Variants in SAMMSON observed in about 807,000 individuals in gnomAD.
SAMMSON encodes the protein survival associated mitochondrial melanoma specific oncogenic non-coding RNA.
chr3:70,184,852 G>A (rs1416259317), intron 4 of SAMMSON, among the ~76,000 whole-genome samples: 1 of 152,178 alleles, frequency 6.6e-6, no homozygotes, highest in Non-Finnish European at 1.5e-5. Context: ...AGGTTGTCAG[G>A]TGAAACTAAT....
At chr3:70,015,883 G>A (rs1262662388) in intron 3 of SAMMSON, among the ~76,000 whole-genome samples, 1 of 152,120 alleles carries the variant, frequency 6.6e-6, no homozygotes, top group Non-Finnish European at 1.5e-5. Context: ...TCCCTACAAA[G>A]GACATGAACT....
chr3:70,162,296 G>A (rs934136407), intron 4 of SAMMSON, among the ~76,000 whole-genome samples: 3 of 151,674 alleles, frequency 2.0e-5, no homozygotes, highest in Non-Finnish European at 4.4e-5. Flanking sequence ...CTCTCCAAGC[G>A]TTGGTTTAGG....
intron 9 of SAMMSON, among the ~76,000 whole-genome samples, chr3:70,358,666 A>AT: frequency 6.6e-6 from 1 of 152,224 alleles, no homozygotes; most frequent in African/African-American, 2.4e-5. Context: ...AGGGGTAGAA[A>AT]ATATATCTTC....
intron 4 of SAMMSON, among the ~76,000 whole-genome samples, chr3:70,103,459 T>C (rs896912991): frequency 5.3e-5 from 8 of 152,200 alleles, no homozygotes; most frequent in African/African-American, 1.9e-4. Flanking sequence ...GCAAACTTCT[T>C]ATCCCAGTGT....
intron 3 of SAMMSON, among the ~76,000 whole-genome samples, chr3:70,015,489 A>G (rs1050922798): frequency 3.9e-5 from 6 of 152,032 alleles, no homozygotes; most frequent in Non-Finnish European, 8.8e-5. Flanking sequence ...TAATTGAGAC[A>G]TTACTTAGTA....
intron 9 of SAMMSON, among the ~76,000 whole-genome samples, chr3:70,363,265 G>A (rs903376197): frequency 1.3e-5 from 2 of 151,844 alleles, no homozygotes; most frequent in African/African-American, 4.8e-5. Context: ...TTTAAGAACT[G>A]GAACAAGACA....
At chr3:70,199,050 A>T (rs116645797) in intron 4 of SAMMSON, among the ~76,000 whole-genome samples, 1 of 152,220 alleles carries the variant, frequency 6.6e-6, no homozygotes, top group Non-Finnish European at 1.5e-5. Flanking sequence ...GACAATCTCC[A>T]AGTGAATACT....
At chr3:70,154,951 T>C (rs1259687843) in intron 4 of SAMMSON, among the ~76,000 whole-genome samples, 1 of 151,706 alleles carries the variant, frequency 6.6e-6, no homozygotes. Context: ...CAGAATAATG[T>C]TTTAGGACAG....
intron 4 of SAMMSON, among the ~76,000 whole-genome samples, chr3:70,199,866 T>C (rs1285598748): frequency 1.3e-5 from 2 of 152,208 alleles, no homozygotes; most frequent in African/African-American, 2.4e-5. Flanking sequence ...ATATATGCTA[T>C]TGCCTGCTGC....
intron 2 of SAMMSON, among the ~76,000 whole-genome samples, chr3:70,417,535 C>T (rs1373876409): frequency 6.6e-6 from 1 of 152,160 alleles, no homozygotes; most frequent in African/African-American, 2.4e-5. Context: ...AAATGTATTT[C>T]ACCAGGCACT....
At chr3:70,166,331 G>C (rs2067636964) in intron 4 of SAMMSON, among the ~76,000 whole-genome samples, 2 of 152,042 alleles carry the variant, frequency 1.3e-5, no homozygotes, top group South Asian at 4.1e-4. Flanking sequence ...GTATTGCTAT[G>C]ATGGTGGCTT....
At chr3:70,154,202 C>T (rs921847525) in intron 4 of SAMMSON, among the ~76,000 whole-genome samples, 3 of 151,846 alleles carry the variant, frequency 2.0e-5, no homozygotes, top group Admixed American at 6.6e-5. Flanking sequence ...CCCATATCTT[C>T]AAGTATTATA....
chr3:70,025,782 A>G (rs192905839), intron 3 of SAMMSON, among the ~76,000 whole-genome samples: 3 of 152,246 alleles, frequency 2.0e-5, no homozygotes, highest in East Asian at 1.9e-4. Flanking sequence ...CGTATTTTGT[A>G]TGTTATATGT....
chr3:70,005,356 C>T (rs1274111018), intron 1 of SAMMSON, among the ~76,000 whole-genome samples: 4 of 140,700 alleles, frequency 2.8e-5, no homozygotes, highest in Non-Finnish European at 6.2e-5. Context: ...TCTTCTGTTC[C>T]ATATGGGGTG....
At chr3:70,068,634 T>C (rs186045348) in intron 3 of SAMMSON, 203 of 152,216 alleles carry the variant, frequency 1.3e-3, no homozygotes, top group African/African-American at 4.8e-3. Context: ...GCTACATCTG[T>C]GGCATGTTTA....
intron 3 of SAMMSON, among the ~76,000 whole-genome samples, chr3:70,026,671 C>T (rs1367102124): frequency 6.6e-6 from 1 of 152,114 alleles, no homozygotes; most frequent in East Asian, 1.9e-4. Context: ...GATGGAAGCT[C>T]CAAGTCTCTT....
chr3:70,353,355 T>C (rs558686973), intron 7 of SAMMSON, among the ~76,000 whole-genome samples: 1 of 152,152 alleles, frequency 6.6e-6, no homozygotes, highest in East Asian at 1.9e-4. Flanking sequence ...AACTAGAATA[T>C]ATAAAGAACT....
intron 4 of SAMMSON, among the ~76,000 whole-genome samples, chr3:70,165,179 T>A (rs1227871375): frequency 6.6e-6 from 1 of 152,014 alleles, no homozygotes; most frequent in Non-Finnish European, 1.5e-5. Context: ...TTAATTAGGA[T>A]GTAATTTGTG....
At chr3:70,114,552 G>A (rs1167680664) in intron 4 of SAMMSON, among the ~76,000 whole-genome samples, 1 of 152,202 alleles carries the variant, frequency 6.6e-6, no homozygotes, top group Non-Finnish European at 1.5e-5. Flanking sequence ...CTAAAGTAGG[G>A]TAGAAATCAT....
Sources: allele counts gnomAD v4.1 joint callset (sites outside exome capture counted in the v4.1 genomes callset), GRCh38; gene constraint gnomAD v4.1.1; transcripts MANE v1.5; gene names NCBI Gene and HGNC (gene_info 2026-07-23, HGNC 2026-07-21).